The following SLC24A2 variants were observed in gnomAD, a reference collection of about 807,000 sequenced individuals.
SLC24A2 encodes the protein solute carrier family 24 member 2.
In SLC24A2, 36 loss-of-function variants were observed where a neutral mutation model predicts 62.0. The ratio of observed to expected loss-of-function variants is 0.58; its 90% CI spans 0.44 to 0.77. The LOEUF is 0.77. SLC24A2 is among the 30% of genes least tolerant of loss of function. The pLI is 0.00. For missense variants in SLC24A2, 846 were observed against 817.9 expected (o/e 1.03, Z -0.42); for synonymous variants, 358 against 294.0 (o/e 1.22, Z -2.23).
chr9:20,282,537 T>C, the SLC24A2 span, among the ~76,000 whole-genome samples: 1 of 152,162 alleles, frequency 6.6e-6, no homozygotes, highest in Non-Finnish European at 1.5e-5. Context: ...ACTCTATCAG[T>C]GATAGAAATG....
the SLC24A2 span, among the ~76,000 whole-genome samples, chr9:20,016,061 T>C: frequency 1.3e-5 from 2 of 152,226 alleles, no homozygotes; most frequent in African/African-American, 4.8e-5. Context: ...CTAATTCAGA[T>C]CTATACCACA....
At chr9:20,279,747 T>C in the SLC24A2 span, among the ~76,000 whole-genome samples, 1 of 152,104 alleles carries the variant, frequency 6.6e-6, no homozygotes, top group South Asian at 2.1e-4. Context: ...TGTTAAGGGG[T>C]AGAAAAATTT....
the SLC24A2 span, among the ~76,000 whole-genome samples, chr9:20,026,287 T>G: frequency 4.6e-5 from 7 of 152,334 alleles, no homozygotes; most frequent in African/African-American, 1.7e-4. Context: ...ATTTATCTTT[T>G]GAAAACACAG....
intron 10 of SLC24A2, among the ~76,000 whole-genome samples, chr9:19,516,966 T>G (rs1832960886): frequency 6.6e-6 from 1 of 152,212 alleles, no homozygotes; most frequent in African/African-American, 2.4e-5. Context: ...TGACAATTGT[T>G]TGATGAAAAA....
chr9:20,006,519 G>A, the SLC24A2 span, among the ~76,000 whole-genome samples: 1 of 151,870 alleles, frequency 6.6e-6, no homozygotes, highest in African/African-American at 2.4e-5. Context: ...GGGATGAATA[G>A]CCATTTATCT....
At chr9:20,110,411 A>T in the SLC24A2 span, among the ~76,000 whole-genome samples, 2 of 152,142 alleles carry the variant, frequency 1.3e-5, no homozygotes, top group African/African-American at 2.4e-5. Context: ...AATCAACGCC[A>T]AAATAAAATC....
At chr9:19,909,387 C>T in the SLC24A2 span, among the ~76,000 whole-genome samples, 7 of 151,866 alleles carry the variant, frequency 4.6e-5, no homozygotes, top group African/African-American at 1.2e-4. Context: ...ATGTAAATGA[C>T]GAGTTAATGG....
the SLC24A2 span, among the ~76,000 whole-genome samples, chr9:19,950,405 G>A: frequency 6.6e-6 from 1 of 152,226 alleles, no homozygotes; most frequent in East Asian, 1.9e-4. Context: ...GGGCCAGCAA[G>A]GTTTTTGCAT....
chr9:20,116,246 A>G, the SLC24A2 span, among the ~76,000 whole-genome samples: 1 of 152,168 alleles, frequency 6.6e-6, no homozygotes, highest in East Asian at 1.9e-4. Flanking sequence ...CTCTAAATGT[A>G]TCCAGACCTT....
At chr9:20,284,614 G>C in the SLC24A2 span, among the ~76,000 whole-genome samples, 1 of 152,048 alleles carries the variant, frequency 6.6e-6, no homozygotes, top group African/African-American at 2.4e-5. Context: ...AGCAAAAGAA[G>C]AGATTTTTTT....
At chr9:19,617,331 T>G (rs932917807) in intron 4 of SLC24A2, among the ~76,000 whole-genome samples, 1 of 152,150 alleles carries the variant, frequency 6.6e-6, no homozygotes, top group South Asian at 2.1e-4. Flanking sequence ...GTCTGGGGGT[T>G]GGGGACCCCT....
chr9:20,282,400 A>G, the SLC24A2 span, among the ~76,000 whole-genome samples: 5 of 152,220 alleles, frequency 3.3e-5, no homozygotes, highest in Non-Finnish European at 7.3e-5. Context: ...CAATATTTAT[A>G]CATACATATT....
intron 2 of SLC24A2, among the ~76,000 whole-genome samples, chr9:19,656,329 A>G (rs1818941184): frequency 6.6e-6 from 1 of 152,348 alleles, no homozygotes; most frequent in Non-Finnish European, 1.5e-5. Flanking sequence ...ATTCTGTTAC[A>G]GTTAGATCAG....
the SLC24A2 span, among the ~76,000 whole-genome samples, chr9:19,959,495 T>C: frequency 3.9e-5 from 6 of 152,324 alleles, no homozygotes; most frequent in South Asian, 1.2e-3. Flanking sequence ...CCTTTAGCAG[T>C]GTCTATAAAT....
At chr9:19,951,145 G>T in the SLC24A2 span, among the ~76,000 whole-genome samples, 1 of 152,036 alleles carries the variant, frequency 6.6e-6, no homozygotes, top group East Asian at 1.9e-4. Flanking sequence ...GCCATAATGG[G>T]AACTTACTTC....
intron 7 of SLC24A2, among the ~76,000 whole-genome samples, chr9:19,552,351 G>A (rs1054038399): frequency 1.3e-5 from 2 of 152,160 alleles, no homozygotes; most frequent in African/African-American, 4.8e-5. Flanking sequence ...TGTGGATTAA[G>A]GAGACAGGTA....
At chr9:19,759,136 C>T (rs1318771774) in intron 2 of SLC24A2, among the ~76,000 whole-genome samples, 1 of 152,202 alleles carries the variant, frequency 6.6e-6, no homozygotes, top group African/African-American at 2.4e-5. Flanking sequence ...CACCTACAAA[C>T]AGCCACTTAG....
intron 2 of SLC24A2, among the ~76,000 whole-genome samples, chr9:19,646,500 AG>A (rs1818641600): frequency 6.6e-6 from 1 of 152,192 alleles, no homozygotes; most frequent in Admixed American, 6.5e-5. Context: ...CTGTCAGGCC[AG>A]GTTTGCCTTT....
At chr9:19,971,783 G>A in the SLC24A2 span, among the ~76,000 whole-genome samples, 24 of 152,026 alleles carry the variant, frequency 1.6e-4, no homozygotes, top group Non-Finnish European at 3.2e-4. Flanking sequence ...TGATGATGAC[G>A]ATGGCTGACA....
Sources: gnomAD v4.1 joint callset for allele counts (sites outside exome capture counted in the v4.1 genomes callset) on GRCh38, gnomAD v4.1.1 for gene constraint, MANE v1.5 for transcripts, NCBI Gene and HGNC (gene_info 2026-07-23, HGNC 2026-07-21) for gene names.